The following ITPR3 variants were observed in gnomAD, a reference collection of about 807,000 sequenced individuals.
The protein encoded by ITPR3 is inositol 1,4,5-trisphosphate receptor type 3, also known as inositol 1,4,5-trisphosphate-gated calcium channel ITPR3.
ITPR3 carries 173 observed loss-of-function variants against 293.2 expected under a neutral mutation model. That is an observed-to-expected ratio of 0.59 (90% CI 0.52 to 0.67). The LOEUF is 0.67. Among genes scored for constraint, ITPR3 ranks in the 30% least tolerant of loss-of-function variants. The probability of loss-of-function intolerance (pLI) is 0.00; values close to 1 mark genes in which losing one functional copy is unlikely to be tolerated. For missense variants in ITPR3, 2,796 were observed against 3,592.1 expected (o/e 0.78, Z 5.66); for synonymous variants, 1,295 against 1,444.4 (o/e 0.90, Z 2.35).
chr6:33,683,189 C>G lies in ITPR3; in HGVS notation c.4598-18C>G. 6.7e-7 allele frequency: 1 copy of G among 1,496,920 alleles called. No homozygotes were observed. Among genetic ancestry groups the G allele is most frequent in the Non-Finnish European group, 9.0e-7 (1 of 1,113,048 alleles). 92.7% of individuals were successfully genotyped at this position (1,496,920 alleles called of 1,614,324 possible). A position where few individuals can be genotyped will look rare whatever the true frequency, so the allele number is the denominator to read the frequency against. On this transcript the variant is annotated intron_variant, in intron 34 of 57. Transcript: ENST00000605930. This position sits in a 1 kb window ranked among gnomAD's most constrained non-coding sequence, Gnocchi z 4.5. The stretch of plus-strand genomic sequence containing the variant: ...GCCCCCGCACCAGCACTCCAGCACT[C>G]CCTCCCTTCCCACCCAGCCAAGGGC...
chr6:33,674,092 C>CA (rs1415087639), intron 23 of ITPR3, 116 bp from the exon 24 acceptor site: 8 of 1,279,992 alleles, frequency 6.3e-6, no homozygotes, highest in Non-Finnish European at 8.9e-6. Context: ...AAGGGGCAGG[C>CA]AGAGCAGCTG....
chr6:33,641,441 G>A (rs977447071), intron 2 of ITPR3, among the ~76,000 whole-genome samples: 2 of 152,206 alleles, frequency 1.3e-5, no homozygotes, highest in African/African-American at 4.8e-5. Flanking sequence ...CAATCCGGCG[G>A]CATCCTTGGC....
rs1210765940 is a variant in ITPR3 at position 33,692,900 on chromosome 6, G to A, written c.7624+7G>A. 2 of 1,613,648 alleles carry A rather than the reference G, an allele frequency of 1.2e-6. No homozygotes were observed. Among genetic ancestry groups the A allele is most frequent in the Admixed American group, 3.3e-5 (2 of 60,004 alleles). The stretch of plus-strand genomic sequence containing the variant: ...ACGACATGCTTCATCTGTGGTGAGG[G>A]CTGCTTCCTGCTCTGTGGAGGCCGC... On this transcript the variant is annotated splice_region_variant and intron_variant, in intron 55 of 57. Coordinates refer to ENST00000605930, the MANE Select transcript of ITPR3 (RefSeq NM_002224.4). The surrounding 1 kb of genome is among the most constrained non-coding windows in gnomAD (Gnocchi z 4.2).
chr6:33,685,410 A>C lies in ITPR3; in HGVS notation c.5359A>C (p.Lys1787Gln). Residue 1787 changes from lysine (K) to glutamine (Q), a missense_variant, in exon 40 of 58, where the codon AAG becomes CAG. Physicochemically the swap from Lys to Gln is moderately conservative, Grantham distance 53. Coordinates refer to ENST00000605930, the MANE Select transcript of ITPR3 (RefSeq NM_002224.4). ...MSDKKSERFF[K>Q]VLHDRMKRAQ... ...TGACAAGAAGTCAGAGCGCTTCTTC[A>C]AGGTGCTGCACGACCGCATGAAGCG... 1 of 1,614,066 alleles carries C rather than the reference A, an allele frequency of 6.2e-7. No individual in the cohort carries two copies. The highest frequency in any genetic ancestry group is 1.1e-5 in the South Asian group (1 of 91,088).
At position 33,680,820 on chromosome 6, in the gene ITPR3, C is replaced by CTTT. The variant is rs747753235; in HGVS notation, c.4476+156_4476+158dup. The CTTT allele has an allele frequency of 5.6e-3, 3,191 of 569,714 alleles. 83 individuals are homozygous for CTTT. The highest frequency in any genetic ancestry group is 0.049 in the African/African-American group (2,180 of 44,612). 35.3% of individuals were successfully genotyped at this position (569,714 alleles called of 1,614,324 possible). On this transcript the variant is annotated intron_variant, in intron 33 of 57. Transcript: ENST00000605930. ...AAGGATACATAAGTGTATTGGTTAT[C>CTTT]TTTTTTTTTTTTTTTTTTGAGATGG...
In ITPR3 at chr6:33,672,153, G is replaced by A; in HGVS notation, c.2853G>A (p.Leu951=). The part of the protein sequence containing the change: ...LSAGASAAEP[L]DRSKFEENED... ...CTGGGGCCAGTGCTGCTGAGCCGCT[G>A]GACAGAAGCAAGTTTGAGGAGAATG... Residue 951 remains leucine (L), a synonymous_variant, in exon 22 of 58, where the codon CTG becomes CTA. Transcript: ENST00000605930. This position sits in a 1 kb window ranked among gnomAD's most constrained non-coding sequence, Gnocchi z 5.0. The A allele has an allele frequency of 6.2e-7, 1 of 1,614,090 alleles. No homozygotes were observed.
intron 6 of ITPR3, 143 bp downstream of exon 6, chr6:33,659,262 A>G: frequency 2.2e-6 from 2 of 903,040 alleles, no homozygotes; most frequent in African/African-American, 1.6e-5. Flanking sequence ...TTCTGCATCC[A>G]TTTCCCAACA....
rs146844329 is a variant in ITPR3 at position 33,686,194 on chromosome 6, G to A, written c.5809G>A (p.Val1937Ile). Reference sequence around the variant, plus strand: ...CATCAATGAGGACAACGTGGGCCTCGTCATCCAGACCTTGGAGACCCTCAC... The same window carrying A: ...CATCAATGAGGACAACGTGGGCCTCATCATCCAGACCTTGGAGACCCTCAC... ...LYINEDNVGL[V>I]IQTLETLTEY... Residue 1937 changes from valine to isoleucine, a missense_variant, in exon 42 of 58, where the codon GTC becomes ATC. Coordinates refer to ENST00000605930, the MANE Select transcript of ITPR3 (RefSeq NM_002224.4). 773 of 1,614,066 alleles carry A rather than the reference G, an allele frequency of 4.8e-4. 3 individuals are homozygous for A. The highest frequency in any genetic ancestry group is 4.4e-3 in the African/African-American group (328 of 75,060).
At chr6:33,652,010 A>G (rs531525363) in intron 2 of ITPR3, among the ~76,000 whole-genome samples, 2 of 152,200 alleles carry the variant, frequency 1.3e-5, no homozygotes, top group African/African-American at 4.8e-5. Context: ...CTGGTGGGCC[A>G]TGTGGAGACC....
chr6:33,689,413 G>A lies in ITPR3; in HGVS notation c.6867+3G>A. ...TCAACATCCTGGGTGCCCTCAATGT[G>A]AGTGCCAGAGGGAGCCCCCATTCCC... On this transcript the variant is annotated splice_donor_region_variant and intron_variant, in intron 50 of 57. Coordinates refer to ENST00000605930, the MANE Select transcript of ITPR3 (RefSeq NM_002224.4). The A allele has an allele frequency of 6.2e-7, 1 of 1,607,584 alleles. No homozygotes were observed.
chr6:33,694,924 AAC>A lies in ITPR3; in HGVS notation c.7788_7789del (p.Asn2596LysfsTer18). 6.2e-7 allele frequency: 1 copy of A among 1,614,036 alleles called. No homozygotes were observed. Among genetic ancestry groups the A allele is most frequent in the Non-Finnish European group, 8.5e-7 (1 of 1,180,002 alleles). Reference protein sequence around the residue: ...PESYVAQMIKNKNLDWFPRMR... With the variant: ...PESYVAQMIKXKNLDWFPRMR... Reference sequence around the variant, plus strand: ...TTAACCCACTGGTGATGTTTTTCAGAACAAGAACCTGGACTGGTTCCCCCGGA... The same window carrying A: ...TTAACCCACTGGTGATGTTTTTCAGAAAGAACCTGGACTGGTTCCCCCGGA... On this transcript the variant is annotated frameshift_variant and splice_region_variant, in exon 57 of 58. Coordinates refer to ENST00000605930, the MANE Select transcript of ITPR3 (RefSeq NM_002224.4). LOFTEE classifies it high-confidence loss of function.
chr6:33,644,059 A>G (rs1199103141), intron 2 of ITPR3, among the ~76,000 whole-genome samples: 2 of 152,154 alleles, frequency 1.3e-5, no homozygotes, highest in Admixed American at 1.3e-4. Flanking sequence ...GCATGGTGGC[A>G]TGTGCCTGTA....
chr6:33,672,140 C>T lies in ITPR3; in HGVS notation c.2840C>T (p.Ala947Val). Residue 947 changes from alanine (A) to valine (V), a missense_variant, in exon 22 of 58, where the codon GCT (alanine) becomes GTT (valine). Around this residue, in one of 8 missense-constraint regions of ITPR3, gnomAD observed 955 missense variants for 1,180.8 expected, o/e 0.81. Coordinates refer to ENST00000605930, the MANE Select transcript of ITPR3 (RefSeq NM_002224.4). This position sits in a 1 kb window ranked among gnomAD's most constrained non-coding sequence, Gnocchi z 5.0. ...SAPSLSAGAS[A>V]AEPLDRSKFE... ...CCCAGCCTGTCTGCTGGGGCCAGTG[C>T]TGCTGAGCCGCTGGACAGAAGCAAG... 6.2e-7 allele frequency: 1 copy of T among 1,614,034 alleles called. No individual in the cohort carries two copies. The highest frequency in any genetic ancestry group is 8.5e-7 in the Non-Finnish European group (1 of 1,180,010).
At chr6:33,641,427 A>G (rs1246040412) in intron 2 of ITPR3, among the ~76,000 whole-genome samples, 3 of 152,098 alleles carry the variant, frequency 2.0e-5, no homozygotes, top group African/African-American at 7.2e-5. Flanking sequence ...AGCGGGATTT[A>G]AGACAATCCG....
chr6:33,678,391 C>G, intron 28 of ITPR3, 30 bp from the exon 29 acceptor site: 1 of 1,610,004 alleles, frequency 6.2e-7, no homozygotes, highest in South Asian at 1.1e-5. Flanking sequence ...TTGGTGGGCC[C>G]AGCACCCTCT....
rs1350175462 is a variant in ITPR3, at chr6:33,633,625, G to C, written c.90-6859G>C. On this transcript the variant is annotated intron_variant, in intron 1 of 57. Transcript: ENST00000605930. The surrounding 1 kb of genome is among the most constrained non-coding windows in gnomAD (Gnocchi z 5.2). ...CCCGGGCGCGTCTGGCGGAGGCGCG[G>C]CGTCCTGGCAGCGGCCGGCAGTCGG... is the stretch of plus-strand genomic sequence containing the variant. Among the ~76,000 whole-genome samples the C allele has an allele frequency of 6.6e-6, 1 of 151,518 alleles. No individual in the cohort carries two copies. Among genetic ancestry groups the C allele is most frequent in the African/African-American group, 2.4e-5 (1 of 41,460 alleles).
Position 33,675,213 on chromosome 6 carries a change from G to A in ITPR3, c.3117-478G>A, listed in dbSNP as rs911776939. On this transcript the variant is annotated intron_variant, in intron 24 of 57. Transcript: ENST00000605930. The surrounding 1 kb of genome is among the most constrained non-coding windows in gnomAD (Gnocchi z 5.0). ...GAGGTGGGCAGATCACTTGAGGTCA[G>A]GAGTTCGAGACCAGCCTGGCCAACA... 6.6e-6 allele frequency among the ~76,000 whole-genome samples: 1 copy of A among 152,116 alleles called. No homozygotes were observed. Among genetic ancestry groups the A allele is most frequent in the Non-Finnish European group, 1.5e-5 (1 of 68,028 alleles).
At position 33,670,100 on chromosome 6, in the gene ITPR3, A is replaced by T. The variant is rs566778322; in HGVS notation, c.2190-225A>T. Among the ~76,000 whole-genome samples the T allele has an allele frequency of 1.4e-3, 218 of 151,102 alleles. No individual in the cohort carries two copies. The highest frequency in any genetic ancestry group is 2.5e-3 in the Non-Finnish European group (171 of 67,810). ...TCATCTTTCAGACGTCCCTCTTCCC[A>T]TGAAGACCTGTCCTGGCTGAGCCTT... On this transcript the variant is annotated intron_variant, in intron 18 of 57. Transcript: ENST00000605930. The surrounding 1 kb of genome is among the most constrained non-coding windows in gnomAD (Gnocchi z 6.7).
Position 33,621,950 on chromosome 6 carries a change from G to T in ITPR3, c.89+259G>T, listed in dbSNP as rs1763447714. 6.6e-6 allele frequency among the ~76,000 whole-genome samples: 1 copy of T among 152,200 alleles called. No homozygotes were observed. The highest frequency in any genetic ancestry group is 2.1e-4 in the South Asian group (1 of 4,826). On this transcript the variant is annotated intron_variant, in intron 1 of 57. Coordinates refer to ENST00000605930, the MANE Select transcript of ITPR3 (RefSeq NM_002224.4). This position sits in a 1 kb window ranked among gnomAD's most constrained non-coding sequence, Gnocchi z 7.7. Reference sequence around the variant, plus strand: ...CCTCTACCCTCCCGCGCACGCCTTTGGAGGGGGCGGAGGGACGGAGGCTTC... The same window carrying T: ...CCTCTACCCTCCCGCGCACGCCTTTTGAGGGGGCGGAGGGACGGAGGCTTC...
Sources: allele counts gnomAD v4.1 joint callset (sites outside exome capture counted in the v4.1 genomes callset), GRCh38; gene constraint gnomAD v4.1.1; regional missense constraint gnomAD v4.1.1; non-coding constraint Gnocchi (gnomAD v3.1); transcripts MANE v1.5; gene names NCBI Gene and HGNC (gene_info 2026-07-23, HGNC 2026-07-21).